The following STIM1 variants were observed in gnomAD, a reference collection of about 807,000 sequenced individuals.
STIM1 encodes the protein stromal interaction molecule 1.
In STIM1, 25 loss-of-function variants were observed where a neutral mutation model predicts 74.7. The observed-to-expected ratio is 0.33, with a 90% confidence interval of 0.24 to 0.47. STIM1 has a LOEUF of 0.47. STIM1 is among the 20% of genes least tolerant of loss of function. The pLI, the probability that STIM1 is intolerant of heterozygous loss-of-function variation, is 1.00. For synonymous variants in STIM1, 328 were observed against 348.8 expected (o/e 0.94, Z 0.66); for missense variants, 728 against 920.8 (o/e 0.79, Z 2.71).
intron 1 of STIM1, among the ~76,000 whole-genome samples, chr11:3,945,775 A>T (rs980366695): frequency 5.3e-5 from 8 of 152,216 alleles, no homozygotes; most frequent in African/African-American, 1.9e-4. Flanking sequence ...TGGGTAATTT[A>T]TAAAGAAAAG....
At chr11:4,005,497 G>C (rs539786640) in intron 2 of STIM1, among the ~76,000 whole-genome samples, 1 of 147,974 alleles carries the variant, frequency 6.8e-6, no homozygotes, top group Non-Finnish European at 1.5e-5. Flanking sequence ...ACCAAACACC[G>C]CATGTTCTCA....
chr11:3,871,161 C>T (rs1232203676), intron 1 of STIM1, among the ~76,000 whole-genome samples: 1 of 152,104 alleles, frequency 6.6e-6, no homozygotes, highest in African/African-American at 2.4e-5. Flanking sequence ...GCCACGACGC[C>T]CGGCCTCCTA....
At chr11:3,981,785 T>A (rs549736719) in intron 2 of STIM1, among the ~76,000 whole-genome samples, 1 of 152,222 alleles carries the variant, frequency 6.6e-6, no homozygotes, top group Non-Finnish European at 1.5e-5. Flanking sequence ...GGAGGTAAGA[T>A]TACTGTACTT....
chr11:3,993,836 A>G (rs1371617059), intron 2 of STIM1, among the ~76,000 whole-genome samples: 1 of 152,182 alleles, frequency 6.6e-6, no homozygotes, highest in Non-Finnish European at 1.5e-5. Flanking sequence ...TTAAGAACTT[A>G]TCATCATCTG....
intron 5 of STIM1, among the ~76,000 whole-genome samples, chr11:4,060,466 A>G (rs1398983235): frequency 1.3e-5 from 2 of 152,234 alleles, no homozygotes; most frequent in Non-Finnish European, 2.9e-5. Context: ...AAGTGGATCC[A>G]TACTTTTTGA....
chr11:3,943,630 A>T (rs1193585464), intron 1 of STIM1, among the ~76,000 whole-genome samples: 2 of 152,182 alleles, frequency 1.3e-5, no homozygotes, highest in African/African-American at 2.4e-5. Context: ...GGTCGGGTGC[A>T]GTGGCTCACG....
At chr11:4,029,827 T>C (rs1448302945) in intron 3 of STIM1, among the ~76,000 whole-genome samples, 2 of 152,188 alleles carry the variant, frequency 1.3e-5, no homozygotes, top group Admixed American at 6.6e-5. Flanking sequence ...TGTGTAATAT[T>C]AGGAGTGTTT....
chr11:3,931,441 A>G (rs2092858560), intron 1 of STIM1, among the ~76,000 whole-genome samples: 1 of 152,122 alleles, frequency 6.6e-6, no homozygotes, highest in African/African-American at 2.4e-5. Context: ...CTCCTTGGTA[A>G]CCAGGGTGCT....
intron 1 of STIM1, among the ~76,000 whole-genome samples, chr11:3,961,986 A>G (rs2093291323): frequency 6.6e-6 from 1 of 152,224 alleles, no homozygotes; most frequent in Non-Finnish European, 1.5e-5. Context: ...ATGAATTGTA[A>G]TAATTAGGAG....
chr11:3,907,124 A>G (rs978643055), intron 1 of STIM1, among the ~76,000 whole-genome samples: 4 of 152,222 alleles, frequency 2.6e-5, no homozygotes, highest in Non-Finnish European at 2.9e-5. Context: ...GAAGTTTAGA[A>G]GTTGGCAATT....
Position 4,019,780 on chromosome 11 carries a change from T to C in STIM1, c.271-4093T>C, listed in dbSNP as rs35287906. Among the ~76,000 whole-genome samples, 1,231 of 152,304 alleles carry C rather than the reference T, an allele frequency of 8.1e-3. 7 individuals are homozygous for C. The highest frequency in any genetic ancestry group is 0.012 in the Non-Finnish European group (806 of 68,022). ...GTATATCTGTCATCTCAAACATATA[T>C]CATTTCTTTGTGGTGAACATTCAAA... On this transcript the variant is annotated intron_variant, in intron 2 of 12. Coordinates refer to ENST00000526596, the MANE Select transcript of STIM1 (RefSeq NM_001382567.1).
chr11:3,887,462 TAGAC>T (rs2091750793), intron 1 of STIM1, among the ~76,000 whole-genome samples: 1 of 152,152 alleles, frequency 6.6e-6, no homozygotes, highest in Admixed American at 6.6e-5. Flanking sequence ...AGGTATGTAA[TAGAC>T]AGAGATGGAT....
At chr11:3,982,688 A>T in intron 2 of STIM1, among the ~76,000 whole-genome samples, 1 of 152,200 alleles carries the variant, frequency 6.6e-6, no homozygotes. Context: ...GCTGATGATA[A>T]TGTTCTAAAA....
intron 1 of STIM1, among the ~76,000 whole-genome samples, chr11:3,956,023 A>G (rs1042452668): frequency 7.3e-6 from 1 of 136,724 alleles, no homozygotes; most frequent in Non-Finnish European, 1.5e-5. Context: ...GAAGTTATAG[A>G]AAAAAAAAAA....
Position 4,083,459 on chromosome 11 carries a change from G to A in STIM1, c.1435G>A (p.Asp479Asn). The A allele has an allele frequency of 6.2e-7, 1 of 1,614,234 alleles. No individual in the cohort carries two copies. The highest frequency in any genetic ancestry group is 8.5e-7 in the Non-Finnish European group (1 of 1,180,040). Residue 479 changes from aspartate to asparagine, a missense_variant, in exon 10 of 13, where the codon GAC (aspartate) becomes AAC (asparagine). This residue lies in a region of STIM1 where 352 missense variants were observed against 370.1 expected (regional missense o/e 0.95). Transcript: ENST00000526596. ...CTTCATCATGACTGACGACGTGGAT[G>A]ACATGGATGAGGAGATTGTGTCTCC... is the stretch of plus-strand genomic sequence containing the variant. The part of the protein sequence containing the change: ...AHFIMTDDVD[D>N]MDEEIVSPLS...
intron 2 of STIM1, among the ~76,000 whole-genome samples, chr11:3,984,965 G>A (rs1373529561): frequency 6.6e-6 from 1 of 152,174 alleles, no homozygotes; most frequent in Non-Finnish European, 1.5e-5. Context: ...ATGTACTGGT[G>A]TAGCAGAAGC....
intron 2 of STIM1, among the ~76,000 whole-genome samples, chr11:4,022,232 G>A (rs1055909096): frequency 6.0e-5 from 9 of 150,972 alleles, no homozygotes; most frequent in Admixed American, 6.6e-5. Context: ...CTACTTGGGA[G>A]GCAGAGATGG....
intron 2 of STIM1, among the ~76,000 whole-genome samples, chr11:4,017,297 ACCTT>A (rs1565149731): frequency 6.6e-6 from 1 of 152,006 alleles, no homozygotes; most frequent in East Asian, 1.9e-4. Context: ...CAGCATAAGT[ACCTT>A]CCTTCAGGTA....
chr11:4,026,224 T>A (rs2093996593), intron 3 of STIM1, among the ~76,000 whole-genome samples: 1 of 152,212 alleles, frequency 6.6e-6, no homozygotes, highest in African/African-American at 2.4e-5. Flanking sequence ...GTGATTAGCA[T>A]TGTTAACATT....
Sources: gnomAD v4.1 joint callset for allele counts (sites outside exome capture counted in the v4.1 genomes callset) on GRCh38, gnomAD v4.1.1 for gene constraint, gnomAD v4.1.1 regional missense constraint, MANE v1.5 for transcripts, NCBI Gene and HGNC (gene_info 2026-07-23, HGNC 2026-07-21) for gene names.